KAZN: variants seen among roughly 807,000 people sequenced by gnomAD.
KAZN encodes the protein kazrin, periplakin interacting protein.
In KAZN, 40 loss-of-function variants were observed where a neutral mutation model predicts 87.4. The observed-to-expected ratio is 0.46, with a 90% CI of 0.36 to 0.60. The LOEUF (loss-of-function observed/expected upper bound fraction) is 0.60. Among genes scored for constraint, KAZN ranks in the 20% least tolerant of loss-of-function variants. KAZN has a pLI of 0.00. For synonymous variants in KAZN, 466 were observed against 458.3 expected (o/e 1.02, Z -0.22); for missense variants, 898 against 1,073.9 (o/e 0.84, Z 2.29).
chr1:14,753,577 T>A (rs1303906777), intron 1 of KAZN, among the ~76,000 whole-genome samples: 2 of 151,166 alleles, frequency 1.3e-5, no homozygotes, highest in Admixed American at 6.6e-5. Flanking sequence ...TTTTTTTTAC[T>A]TAAAATTAAA....
intron 1 of KAZN, among the ~76,000 whole-genome samples, chr1:14,144,973 C>T (rs138187205): frequency 4.3e-4 from 66 of 152,328 alleles, no homozygotes; most frequent in African/African-American, 1.5e-3. Flanking sequence ...CAAATTTCCA[C>T]ATGAGGATTG....
chr1:14,035,601 C>G (rs1230719685), intron 1 of KAZN, among the ~76,000 whole-genome samples: 3 of 112,310 alleles, frequency 2.7e-5, no homozygotes, highest in Non-Finnish European at 5.4e-5. Flanking sequence ...CCTCAAGTAG[C>G]TGGGACTACA....
intron 2 of KAZN, among the ~76,000 whole-genome samples, chr1:14,384,368 G>A (rs1185619597): frequency 3.3e-5 from 5 of 152,148 alleles, no homozygotes; most frequent in African/African-American, 1.2e-4. Context: ...TAGGAGTGGT[G>A]AGAGGGGGCA....
Position 14,851,413 on chromosome 1 carries a change from G to A in KAZN, c.227-109271G>A, listed in dbSNP as rs536894402. Among the ~76,000 whole-genome samples the A allele has an allele frequency of 1.1e-3, 164 of 152,288 alleles. 1 individual carries two copies. Among genetic ancestry groups the A allele is most frequent in the Non-Finnish European group, 1.9e-3 (126 of 68,016 alleles). On this transcript the variant is annotated intron_variant, in intron 1 of 14. Coordinates refer to ENST00000376030, the MANE Select transcript of KAZN (RefSeq NM_201628.3). ...CAGCCTTCAGCTGCCCCACCGCTGCGATAGCCCCTGGAGCAGAATCTCAAA... is the reference window on the plus strand; with the variant it reads ...CAGCCTTCAGCTGCCCCACCGCTGCAATAGCCCCTGGAGCAGAATCTCAAA...
exon 2 of KAZN, chr1:14,180,493 G>T: frequency 6.5e-7 from 1 of 1,550,268 alleles, no homozygotes; most frequent in Non-Finnish European, 8.7e-7. Flanking sequence ...TCACCAAGTC[G>T]AAGGCACTGG....
intron 1 of KAZN, among the ~76,000 whole-genome samples, chr1:14,811,810 C>A (rs966018329): frequency 6.6e-6 from 1 of 152,156 alleles, no homozygotes; most frequent in African/African-American, 2.4e-5. Context: ...TAATGAAATG[C>A]ATATTATGAT....
rs12058756 is a variant in KAZN at position 14,997,204 on chromosome 1, C to T, written c.418+36329C>T. 2.1e-3 allele frequency among the ~76,000 whole-genome samples: 254 copies of T among 120,868 alleles called. 3 individuals are homozygous for T. The highest frequency in any genetic ancestry group is 2.2e-3 in the South Asian group (7 of 3,228). The allele number at this position is 120,868 out of a possible 152,430, so 79.3% of individuals were successfully genotyped here. A position where few individuals can be genotyped will look rare whatever the true frequency, so the allele number is the denominator to read the frequency against. ...TCTGTTTTCTTTTCTTTCTTTCTTT[C>T]ATTTATTTATTTATTTATTTATTTA... On this transcript the variant is annotated intron_variant, in intron 2 of 14. Transcript: ENST00000376030.
intron 1 of KAZN, among the ~76,000 whole-genome samples, chr1:13,942,546 C>CA (rs55784948): frequency 2.4e-4 from 17 of 70,838 alleles, no homozygotes; most frequent in Non-Finnish European, 3.8e-4. Flanking sequence ...GACTCCGTCT[C>CA]AAAAAAAAAA....
At chr1:14,816,787 AATAG>A (rs1441345119) in intron 1 of KAZN, among the ~76,000 whole-genome samples, 9 of 152,218 alleles carry the variant, frequency 5.9e-5, no homozygotes, top group Admixed American at 1.3e-4. Flanking sequence ...TATTTATCTA[AATAG>A]ATAGAGATGG....
At chr1:14,383,661 T>C (rs1191078264) in intron 2 of KAZN, among the ~76,000 whole-genome samples, 24 of 152,176 alleles carry the variant, frequency 1.6e-4, no homozygotes, top group Admixed American at 1.6e-3. Context: ...CTCTGTTCTG[T>C]TCCATTGATC....
intron 1 of KAZN, among the ~76,000 whole-genome samples, chr1:14,016,507 T>A (rs540713022): frequency 6.6e-6 from 1 of 152,224 alleles, no homozygotes; most frequent in East Asian, 1.9e-4. Context: ...AATTTGGGCC[T>A]CTTAGCTCTC....
At chr1:14,828,339 G>A (rs193236562) in intron 1 of KAZN, among the ~76,000 whole-genome samples, 49 of 152,166 alleles carry the variant, frequency 3.2e-4, no homozygotes, top group South Asian at 6.2e-4. Flanking sequence ...TTTTATTTTC[G>A]TCCTATTTTA....
chr1:14,466,944 G>A (rs1427573448), intron 2 of KAZN, among the ~76,000 whole-genome samples: 2 of 152,188 alleles, frequency 1.3e-5, no homozygotes, highest in Middle Eastern at 3.2e-3. Context: ...GCTCCAGCCT[G>A]GGCGACAGTG....
At chr1:14,758,571 C>G (rs892029764) in intron 1 of KAZN, among the ~76,000 whole-genome samples, 3 of 152,130 alleles carry the variant, frequency 2.0e-5, no homozygotes, top group South Asian at 2.1e-4. Flanking sequence ...CCTTGGCCCC[C>G]CAAAATGCTG....
chr1:15,063,750 G>A (rs1040782926), intron 7 of KAZN, 128 bp downstream of exon 7: 22 of 767,914 alleles, frequency 2.9e-5, no homozygotes, highest in South Asian at 4.5e-5. Flanking sequence ...TGCCACTTCC[G>A]CTGAGCCCAC....
At chr1:14,871,762 A>G (rs185849834) in intron 1 of KAZN, among the ~76,000 whole-genome samples, 1 of 151,998 alleles carries the variant, frequency 6.6e-6, no homozygotes, top group African/African-American at 2.4e-5. Flanking sequence ...AAGGCATAGT[A>G]TCCTGATTGA....
At chr1:13,908,684 A>G (rs114223288) in intron 1 of KAZN, among the ~76,000 whole-genome samples, 3,688 of 152,306 alleles carry the variant, frequency 0.024, 154 homozygotes, top group African/African-American at 0.084. Flanking sequence ...ACCCTTTGCC[A>G]TTATCTTGTC....
rs368585231 is a variant in KAZN, at chr1:14,627,719, G to C, written c.226+28496G>C. Reference sequence around the variant, plus strand: ...TAGAATCCACAGCAGCTGACAAACAGAGAGCCAGGGTATTCATGTTCTGGG... The same window carrying C: ...TAGAATCCACAGCAGCTGACAAACACAGAGCCAGGGTATTCATGTTCTGGG... On this transcript the variant is annotated intron_variant, in intron 1 of 14. Coordinates refer to ENST00000376030, the MANE Select transcript of KAZN (RefSeq NM_201628.3). Among the ~76,000 whole-genome samples the C allele has an allele frequency of 4.6e-5, 7 of 152,332 alleles. No individual in the cohort carries two copies. In the South Asian group the frequency reaches 1.5e-3, roughly 32 times the overall value.
intron 2 of KAZN, among the ~76,000 whole-genome samples, chr1:14,418,869 G>C (rs1378593910): frequency 2.0e-5 from 3 of 152,208 alleles, no homozygotes; most frequent in East Asian, 1.9e-4. Flanking sequence ...ACTTGTGTGT[G>C]TGCAAATGAA....
Sources: allele counts gnomAD v4.1 joint callset (sites outside exome capture counted in the v4.1 genomes callset), GRCh38; gene constraint gnomAD v4.1.1; transcripts MANE v1.5; gene names NCBI Gene and HGNC (gene_info 2026-07-23, HGNC 2026-07-21).